The following OFD1 variants were observed in gnomAD, a reference collection of about 807,000 sequenced individuals.
The protein encoded by OFD1 is centriole and centriolar satellite protein OFD1.
A neutral mutation model predicts 81.4 loss-of-function variants in OFD1; 12 were observed. The ratio of observed to expected loss-of-function variants is 0.15; its 90% CI spans 0.09 to 0.24. The LOEUF (loss-of-function observed/expected upper bound fraction) is 0.24. Among genes scored for constraint, OFD1 ranks in the 10% least tolerant of loss-of-function variants. The pLI is 1.00. For synonymous variants in OFD1, 256 were observed against 263.7 expected (o/e 0.97, Z 0.28); for missense variants, 685 against 733.9 (o/e 0.93, Z 0.77).
intron 22 of OFD1, 29 bp downstream of exon 22, chrX:13,768,814 C>T (rs765737201): frequency 8.9e-7 from 1 of 1,119,499 alleles, no homozygotes; most frequent in African/African-American, 1.8e-5. Context: ...CACTTTCATA[C>T]ACAAACTGTT....
In OFD1 at chrX:13,736,643, G is replaced by C; in HGVS notation, c.277G>C (p.Val93Leu). 1 of 1,209,889 alleles carries C rather than the reference G, an allele frequency of 8.3e-7. No homozygotes were observed. Among genetic ancestry groups the C allele is most frequent in the South Asian group, 1.8e-5 (1 of 56,904 alleles). The change falls in exon 3 of 23, where the codon GTT becomes CTT. Residue 93 changes from valine to leucine, a missense_variant. This residue lies in a region of OFD1 where 414 missense variants were observed against 447.2 expected (regional missense o/e 0.93). Coordinates refer to ENST00000340096, the MANE Select transcript of OFD1 (RefSeq NM_003611.3). ...QRCGYEYSLS[V>L]FFPESGLAKE... ...ATGTGGCTATGAATATTCACTTTCT[G>C]TTTTCTTTCCAGAAAGTGGTTTGGC...
At chrX:13,772,277 A>AT (rs2048314810), downstream of OFD1, 1 of 112,375 alleles carries the variant, frequency 8.9e-6, no homozygotes, top group African/African-American at 3.2e-5. Flanking sequence ...TTTTAGCATT[A>AT]TTGAAAAATA....
chrX:13,750,128 A>G lies in OFD1; in HGVS notation c.935+595A>G, dbSNP rs538169296. 1.7e-4 allele frequency among the ~76,000 whole-genome samples: 19 copies of G among 112,365 alleles called. No homozygotes were observed. The highest frequency in any genetic ancestry group is 3.7e-4 in the South Asian group (1 of 2,724). ...ATAGATACTCCAGGAATCTTAGTTCATTAAAGAATTTGGCTCCATTAATGT... is the reference window on the plus strand; with the variant it reads ...ATAGATACTCCAGGAATCTTAGTTCGTTAAAGAATTTGGCTCCATTAATGT... On this transcript the variant is annotated intron_variant, in intron 9 of 22. Coordinates refer to ENST00000340096, the MANE Select transcript of OFD1 (RefSeq NM_003611.3).
At chrX:13,745,700 G>C (rs780222153) in intron 6 of OFD1, among the ~76,000 whole-genome samples, 1 of 112,038 alleles carries the variant, frequency 8.9e-6, no homozygotes, top group South Asian at 3.7e-4. Flanking sequence ...TTGTACTCTG[G>C]GTTCAGATTT....
rs1238780112 is a variant in OFD1 at position 13,760,395 on chromosome X, G to A, written c.1935G>A (p.Leu645=). 1 of 1,208,034 alleles carries A rather than the reference G, an allele frequency of 8.3e-7. No individual in the cohort carries two copies. The highest frequency in any genetic ancestry group is 3.0e-5 in the East Asian group (1 of 33,817). The change falls in exon 16 of 23, where the codon TTG becomes TTA. Residue 645 remains leucine, a synonymous_variant. Transcript: ENST00000340096. ...VKELQQEAER[L]EKAFRSYHRR... is the part of the protein sequence containing the mutation. ...AGCTTCAGCAAGAGGCCGAACGCTT[G>A]GAAAAGGCTTTCAGAAGTTACCATC...
chrX:13,768,002 A>T, intron 20 of OFD1, 52 bp from the exon 21 acceptor site: 1 of 1,123,210 alleles, frequency 8.9e-7, no homozygotes. Flanking sequence ...AAAACACTTA[A>T]AAGTTTTACA....
the OFD1 span, chrX:13,722,353 A>C: frequency 9.0e-6 from 1 of 110,755 alleles, no homozygotes; most frequent in African/African-American, 3.3e-5. Flanking sequence ...GCGCTAAGTC[A>C]GCAGGAAGAC....
chrX:13,740,417 G>A (rs1247199614), intron 5 of OFD1, among the ~76,000 whole-genome samples: 1 of 112,109 alleles, frequency 8.9e-6, no homozygotes, highest in East Asian at 2.8e-4. Flanking sequence ...TACCATATTA[G>A]CATAATTCTG....
intron 9 of OFD1, among the ~76,000 whole-genome samples, chrX:13,750,512 A>G (rs773951468): frequency 3.3e-4 from 37 of 112,188 alleles, no homozygotes; most frequent in Non-Finnish European, 4.9e-4. Context: ...AGTTGGTGCT[A>G]TGGTTGATTT....
chrX:13,735,171 C>G, intron 1 of OFD1, 77 bp from the exon 2 acceptor site: 1 of 1,188,743 alleles, frequency 8.4e-7, no homozygotes, highest in Non-Finnish European at 1.1e-6. Context: ...ATGGCTTCCC[C>G]GGAGGCCACT....
intron 6 of OFD1, 48 bp from the exon 7 acceptor site, chrX:13,746,271 A>G: frequency 8.6e-7 from 1 of 1,157,950 alleles, no homozygotes. Flanking sequence ...CGTCTTACGC[A>G]CCTGACGATG....
At chrX:13,747,692 T>C (rs781351566) in intron 8 of OFD1, among the ~76,000 whole-genome samples, 1 of 111,451 alleles carries the variant, frequency 9.0e-6, no homozygotes, top group Admixed American at 9.5e-5. Flanking sequence ...GGTCCAAGAT[T>C]ACAGAATTGC....
chrX:13,732,567 T>C (rs2046698269), upstream of OFD1, among the ~76,000 whole-genome samples: 1 of 112,315 alleles, frequency 8.9e-6, no homozygotes, highest in Non-Finnish European at 1.9e-5. Context: ...TGCTATGAAT[T>C]TGGGGAAGTG....
In OFD1 at chrX:13,746,333, C is replaced by T; in HGVS notation, c.532C>T (p.Leu178Phe). 1.7e-6 allele frequency: 2 copies of T among 1,206,929 alleles called. No homozygotes were observed. Among genetic ancestry groups the T allele is most frequent in the South Asian group, 3.5e-5 (2 of 56,886 alleles). The change falls in exon 7 of 23, where the codon CTT becomes TTT. Residue 178 changes from leucine (L) to phenylalanine (F), a missense_variant. Leu to Phe is a conservative substitution (Grantham distance 22, BLOSUM62 0). Around this residue, in one of 3 missense-constraint regions of OFD1, gnomAD observed 414 missense variants for 447.2 expected, o/e 0.93. Transcript: ENST00000340096. ...TTTTTTAATAGCTGAGAAGCTTCAG[C>T]TTATTGATGATCAGTTTGCAGATGC... ...NRDSLAEKLQ[L>F]IDDQFADAYP...
intron 11 of OFD1, among the ~76,000 whole-genome samples, chrX:13,754,651 G>A (rs1420055606): frequency 1.8e-5 from 2 of 111,191 alleles, no homozygotes; most frequent in African/African-American, 3.3e-5. Context: ...CAGGTGGTCC[G>A]CCTGACTTGG....
downstream of OFD1, chrX:13,772,706 A>G: frequency 2.8e-6 from 1 of 359,471 alleles, no homozygotes; most frequent in Non-Finnish European, 4.8e-6. Context: ...TTCTAAAGAA[A>G]AAGATTTACC....
At chrX:13,716,230 CT>C in the OFD1 span, 1 of 711,119 alleles carries the variant, frequency 1.4e-6, no homozygotes, top group Non-Finnish European at 2.0e-6. Flanking sequence ...TTAAAATTAG[CT>C]TAGTTTTATC....
rs202151676 is a variant in OFD1 at position 13,740,238 on chromosome X, C to CT, written c.412+1207dup. 4.4e-3 allele frequency: 3,621 copies of CT among 818,501 alleles called. 98 individuals are homozygous for CT. The African/African-American group carries it at 0.068, about 15-fold the overall frequency. 67.5% of individuals were successfully genotyped at this position (818,501 alleles called of 1,213,427 possible). On this transcript the variant is annotated intron_variant, in intron 5 of 22. Coordinates refer to ENST00000340096, the MANE Select transcript of OFD1 (RefSeq NM_003611.3). Reference sequence around the variant, plus strand: ...GGTAAATGATCCTATATTCTGTACTCTAAGTGTCGTCCAGTGTGACTCTCT... The same window carrying CT: ...GGTAAATGATCCTATATTCTGTACTCTTAAGTGTCGTCCAGTGTGACTCTCT...
intron 2 of OFD1, among the ~76,000 whole-genome samples, chrX:13,735,928 G>A (rs1397336992): frequency 3.6e-5 from 4 of 112,068 alleles, no homozygotes; most frequent in African/African-American, 1.3e-4. Flanking sequence ...TTTAAAATAT[G>A]TAGCTATATC....
Sources: allele counts gnomAD v4.1 joint callset (sites outside exome capture counted in the v4.1 genomes callset), GRCh38; gene constraint gnomAD v4.1.1; regional missense constraint gnomAD v4.1.1; transcripts MANE v1.5; gene names NCBI Gene and HGNC (gene_info 2026-07-23, HGNC 2026-07-21).